The following DNAH1 variants were observed in gnomAD, a reference collection of about 807,000 sequenced individuals.
The protein encoded by DNAH1 is dynein axonemal heavy chain 1, also known as axonemal beta dynein heavy chain 1.
DNAH1 carries 327 observed loss-of-function variants against 484.3 expected under a neutral mutation model. That is an observed-to-expected ratio of 0.68 (90% confidence interval 0.62 to 0.74). The LOEUF (loss-of-function observed/expected upper bound fraction) is 0.74, where lower values mean the gene tolerates loss of function less well. DNAH1 is among the 30% of genes least tolerant of loss of function. The pLI is 0.00. For synonymous variants in DNAH1, 2,192 were observed against 2,191.9 expected (o/e 1.00, Z 0.00); for missense variants, 5,052 against 5,546.8 (o/e 0.91, Z 2.83).
Position 52,386,658 on chromosome 3 carries a change from G to A in DNAH1, c.8812-4G>A. 1 of 1,564,808 alleles carries A rather than the reference G, an allele frequency of 6.4e-7. No individual in the cohort carries two copies. The highest frequency in any genetic ancestry group is 1.4e-5 in the African/African-American group (1 of 73,718). ...TCTTCCCCACTTGGTGGCTGGGCCT[G>A]CAGGTACGTGCCATGCAGCGGCCAC... On this transcript the variant is annotated splice_region_variant and splice_polypyrimidine_tract_variant and intron_variant, in intron 55 of 77. Coordinates refer to ENST00000420323, the MANE Select transcript of DNAH1 (RefSeq NM_015512.5).
At chr3:52,312,216 T>C (rs1233238492), upstream of DNAH1, among the ~76,000 whole-genome samples, 1 of 152,128 alleles carries the variant, frequency 6.6e-6, no homozygotes, top group Non-Finnish European at 1.5e-5. Context: ...ACCTGAAAAC[T>C]GGGAGCATCC....
Position 52,354,917 on chromosome 3 carries a change from C to T in DNAH1, c.3555C>T (p.Tyr1185=), listed in dbSNP as rs527887303. 23 of 1,614,060 alleles carry T rather than the reference C, an allele frequency of 1.4e-5. 1 individual carries two copies. In the South Asian group the frequency reaches 2.4e-4, roughly 17 times the overall value. ...TGCCCTACAAGGCGACAGACACCTA[C>T]ATCCTGAAGAGCCCGGACGAGGCCT... The part of the protein sequence containing the change: ...NVLPYKATDT[Y]ILKSPDEASQ... Residue 1185 remains tyrosine, a synonymous_variant, in exon 21 of 78, where the codon TAC becomes TAT. Coordinates refer to ENST00000420323, the MANE Select transcript of DNAH1 (RefSeq NM_015512.5).
rs1002779530 is a variant in DNAH1, at chr3:52,379,197, A to G, written c.7377+417A>G. ...GCACTAGGCACGGTGGGGGGCCAAC[A>G]TGGAGCTTAAATTTGTTCTGAGGGT... On this transcript the variant is annotated intron_variant, in intron 47 of 77. Transcript: ENST00000420323. This position sits in a 1 kb window ranked among gnomAD's most constrained non-coding sequence, Gnocchi z 4.4. Among the ~76,000 whole-genome samples the G allele has an allele frequency of 1.1e-4, 17 of 152,158 alleles. No homozygotes were observed. Among genetic ancestry groups the G allele is most frequent in the Non-Finnish European group, 7.4e-5 (5 of 67,994 alleles).
rs1337799186 is a variant in DNAH1 at position 52,399,722 on chromosome 3, A to G, written c.12619A>G (p.Lys4207Glu). The G allele has an allele frequency of 9.3e-6, 15 of 1,614,002 alleles. No homozygotes were observed. Among genetic ancestry groups the G allele is most frequent in the Non-Finnish European group, 1.3e-5 (15 of 1,179,882 alleles). ...CTGGCTCTTGCCAACACCCAACCGC[A>G]AGGCCCAGGACCAGGACTTTTACCT... ...VIWLLPTPNR[K>E]AQDQDFYLCP... Residue 4207 changes from lysine to glutamate, a missense_variant, in exon 77 of 78, where the codon AAG becomes GAG. Around this residue, in one of 4 missense-constraint regions of DNAH1, gnomAD observed 853 missense variants for 899.0 expected, o/e 0.95. Transcript: ENST00000420323.
At chr3:52,337,349 T>G (rs1455374213) in intron 8 of DNAH1, among the ~76,000 whole-genome samples, 1 of 152,238 alleles carries the variant, frequency 6.6e-6, no homozygotes, top group Admixed American at 6.5e-5. Flanking sequence ...CTTTTCGATC[T>G]GCATTTTACT....
Position 52,364,635 on chromosome 3 carries a change from C to T in DNAH1, c.5245-3C>T, listed in dbSNP as rs370628954. 3 of 1,613,836 alleles carry T rather than the reference C, an allele frequency of 1.9e-6. No individual in the cohort carries two copies. Among genetic ancestry groups the T allele is most frequent in the African/African-American group, 2.7e-5 (2 of 74,912 alleles). On this transcript the variant is annotated splice_region_variant and splice_polypyrimidine_tract_variant and intron_variant, in intron 32 of 77. Coordinates refer to ENST00000420323, the MANE Select transcript of DNAH1 (RefSeq NM_015512.5). The surrounding 1 kb of genome is among the most constrained non-coding windows in gnomAD (Gnocchi z 4.2). The stretch of plus-strand genomic sequence containing the variant: ...ACCCATGCCTCCTTCTGTATGGCGA[C>T]AGGATCACTATGACTTCGGGATGAG...
At chr3:52,349,557 C>G in intron 14 of DNAH1, 137 bp downstream of exon 14, 3 of 830,576 alleles carry the variant, frequency 3.6e-6, no homozygotes, top group Non-Finnish European at 5.7e-6. Context: ...AGGGAAGGAG[C>G]TGGAAATCAC....
rs1702806162 is a variant in DNAH1 at position 52,360,413 on chromosome 3, C to T, written c.4674C>T (p.Pro1558=). 3 of 1,613,434 alleles carry T rather than the reference C, an allele frequency of 1.9e-6. No individual in the cohort carries two copies. Among genetic ancestry groups the T allele is most frequent in the Non-Finnish European group, 2.5e-6 (3 of 1,179,602 alleles). The change falls in exon 28 of 78, where the codon CCC becomes CCT. Residue 1558 remains proline, a synonymous_variant. Coordinates refer to ENST00000420323, the MANE Select transcript of DNAH1 (RefSeq NM_015512.5). ...LGNSGRLVIT[P]LTDRCYLTLT... ...ACAGTGGGAGGCTGGTGATCACGCCCCTCACCGACAGGTAAGCGTTCCCCT... is the reference window on the plus strand; with the variant it reads ...ACAGTGGGAGGCTGGTGATCACGCCTCTCACCGACAGGTAAGCGTTCCCCT...
At chr3:52,344,264 A>G (rs1702056719) in intron 8 of DNAH1, among the ~76,000 whole-genome samples, 1 of 152,164 alleles carries the variant, frequency 6.6e-6, no homozygotes, top group Admixed American at 6.5e-5. Context: ...AAATGGGGAC[A>G]AGGGGCAGAA....
At position 52,392,747 on chromosome 3, in the gene DNAH1, C is replaced by T. The variant is rs566112607; in HGVS notation, c.10278+58C>T. 145 of 1,554,474 alleles carry T rather than the reference C, an allele frequency of 9.3e-5. No homozygotes were observed. In the African/African-American group the frequency reaches 1.2e-3, roughly 13 times the overall value. On this transcript the variant is annotated intron_variant, in intron 64 of 77. Transcript: ENST00000420323. ...GGAGTGCCCCGGGCCTGCCCCCCACCTCTCCCTGCCTGCCCTAGGCCTGCC... is the reference window on the plus strand; with the variant it reads ...GGAGTGCCCCGGGCCTGCCCCCCACTTCTCCCTGCCTGCCCTAGGCCTGCC...
chr3:52,382,245 G>A (rs1420947709), intron 49 of DNAH1, 75 bp from the exon 50 acceptor site: 1 of 1,609,530 alleles, frequency 6.2e-7, no homozygotes, highest in Non-Finnish European at 8.5e-7. Context: ...GTCAGGGTAG[G>A]GTGTGGTCAC....
rs757228664 is a variant in DNAH1, at chr3:52,381,643, A to T, written c.7612A>T (p.Met2538Leu). ...CCATCCTCGCCTTGGTGCACAGATG[A>T]TGCAGGTGATAGAGGAGTACATAGA... ...YELITSESKMMQVIEEYIEDY... is the reference protein window; with the variant it reads ...YELITSESKMLQVIEEYIEDY... Residue 2538 changes from methionine (M) to leucine (L), a missense_variant, in exon 49 of 78, where the codon ATG becomes TTG. Physicochemically the swap from Met to Leu is conservative, Grantham distance 15. This residue lies in a region of DNAH1 where 2,929 missense variants were observed against 3,409.4 expected (regional missense o/e 0.86). Coordinates refer to ENST00000420323, the MANE Select transcript of DNAH1 (RefSeq NM_015512.5). This position sits in a 1 kb window ranked among gnomAD's most constrained non-coding sequence, Gnocchi z 4.1. The T allele has an allele frequency of 3.6e-5, 57 of 1,602,944 alleles. No individual in the cohort carries two copies. In the South Asian group the frequency reaches 5.8e-4, roughly 16 times the overall value.
chr3:52,344,418 G>C (rs1702063382), intron 8 of DNAH1, 72 bp from the exon 9 acceptor site: 2 of 1,563,396 alleles, frequency 1.3e-6, no homozygotes, highest in Middle Eastern at 3.6e-4. Flanking sequence ...TGCCAGAGCA[G>C]AGCTTGGGCC....
rs376968517 is a variant in DNAH1 at position 52,388,204 on chromosome 3, C to G, written c.9041C>G (p.Pro3014Arg). ...GATGTGGTGATCAAAGCCATCCAGCCGTACATCGATAATGAAGAGTTCCAG... is the reference window on the plus strand; with the variant it reads ...GATGTGGTGATCAAAGCCATCCAGCGGTACATCGATAATGAAGAGTTCCAG... ...IGDVVIKAIQ[P>R]YIDNEEFQPA... The change falls in exon 57 of 78, where the codon CCG (proline) becomes CGG (arginine). Residue 3014 changes from proline (P) to arginine (R), a missense_variant. Physicochemically the swap from Pro to Arg is moderately radical, Grantham distance 103 (BLOSUM62 -2). Coordinates refer to ENST00000420323, the MANE Select transcript of DNAH1 (RefSeq NM_015512.5). 6.2e-7 allele frequency: 1 copy of G among 1,609,794 alleles called. No individual in the cohort carries two copies. The highest frequency in any genetic ancestry group is 2.2e-5 in the East Asian group (1 of 44,744).
chr3:52,350,368 G>A (rs1432915299), intron 15 of DNAH1, 140 bp from the exon 16 acceptor site: 2 of 943,732 alleles, frequency 2.1e-6, no homozygotes, highest in East Asian at 5.3e-5. Flanking sequence ...CTTGCACCCT[G>A]GGCCTCCTCC....
chr3:52,374,985 G>A (rs182340663), intron 44 of DNAH1: 6 of 440,448 alleles, frequency 1.4e-5, no homozygotes, highest in Admixed American at 8.0e-5. Flanking sequence ...GGTGGGGCTC[G>A]ATTTCACTAA....
chr3:52,328,104 C>G, intron 6 of DNAH1, 90 bp downstream of exon 6: 1 of 1,536,528 alleles, frequency 6.5e-7, no homozygotes, highest in African/African-American at 1.4e-5. Flanking sequence ...ACCTGGCAGC[C>G]ACCGGAGGCG....
intron 67 of DNAH1, 71 bp from the exon 68 acceptor site, chr3:52,394,844 G>A (rs1280979805): frequency 3.4e-5 from 54 of 1,573,754 alleles, no homozygotes; most frequent in Non-Finnish European, 4.3e-6. Flanking sequence ...TGTCCGGCTG[G>A]CCGAATCCCT....
chr3:52,319,448 C>G (rs1701064393), intron 1 of DNAH1, among the ~76,000 whole-genome samples: 1 of 152,252 alleles, frequency 6.6e-6, no homozygotes. Flanking sequence ...AGGATACTCT[C>G]AGTTCCCACC....
Sources: gnomAD v4.1 joint callset for allele counts (sites outside exome capture counted in the v4.1 genomes callset) on GRCh38, gnomAD v4.1.1 for gene constraint, gnomAD v4.1.1 regional missense constraint, Gnocchi (gnomAD v3.1) non-coding constraint, MANE v1.5 for transcripts, NCBI Gene and HGNC (gene_info 2026-07-23, HGNC 2026-07-21) for gene names.